TRAPPC9: variants seen among roughly 807,000 people sequenced by gnomAD.
TRAPPC9 encodes trafficking protein particle complex subunit 9.
In TRAPPC9, 83 loss-of-function variants were observed where a neutral mutation model predicts 124.0. That is an observed-to-expected ratio of 0.67 (90% confidence interval 0.56 to 0.80). The LOEUF is 0.80. Ranked by LOEUF, TRAPPC9 falls within the 30% of genes least tolerant of loss-of-function variation. TRAPPC9 has a pLI of 0.00. For synonymous variants in TRAPPC9, 638 were observed against 617.5 expected (o/e 1.03, Z -0.49); for missense variants, 1,302 against 1,508.3 (o/e 0.86, Z 2.27).
At chr8:140,433,222 G>A (rs1272769491) in intron 4 of TRAPPC9, among the ~76,000 whole-genome samples, 1 of 151,784 alleles carries the variant, frequency 6.6e-6, no homozygotes, top group Non-Finnish European at 1.5e-5. Flanking sequence ...AGCCCGGGAG[G>A]CAGAGGTTAT....
chr8:140,429,611 G>T (rs1164068815), intron 4 of TRAPPC9, among the ~76,000 whole-genome samples: 2 of 151,920 alleles, frequency 1.3e-5, no homozygotes, highest in Non-Finnish European at 2.9e-5. Context: ...TTTGCGACCA[G>T]CCTGGCCAAC....
intron 10 of TRAPPC9, among the ~76,000 whole-genome samples, chr8:140,303,846 G>C (rs755642440): frequency 1.7e-4 from 26 of 152,288 alleles, no homozygotes; most frequent in Non-Finnish European, 3.2e-4. Context: ...ACTAAGAAAG[G>C]CCTCAAGGGA....
chr8:139,789,376 G>GGTGTGCACGCTGCCCCTCGGT (rs1586844752), intron 21 of TRAPPC9, among the ~76,000 whole-genome samples: 1 of 152,298 alleles, frequency 6.6e-6, no homozygotes, highest in East Asian at 1.9e-4. Context: ...GTGGTCGAAG[G>GGTGTGCACGCTGCCCCTCGGT]GTGTGCACGC....
intron 17 of TRAPPC9, among the ~76,000 whole-genome samples, chr8:140,064,428 G>C (rs1842797684): frequency 6.6e-6 from 1 of 152,136 alleles, no homozygotes; most frequent in Admixed American, 6.5e-5. Context: ...AAATATAAAG[G>C]CTCTTAGGAA....
At chr8:140,108,517 C>A (rs2060707758) in intron 17 of TRAPPC9, among the ~76,000 whole-genome samples, 1 of 152,110 alleles carries the variant, frequency 6.6e-6, no homozygotes, top group Non-Finnish European at 1.5e-5. Context: ...CTCCCGCTCG[C>A]CCCCCTTGCC....
intron 5 of TRAPPC9, among the ~76,000 whole-genome samples, chr8:140,426,316 T>G (rs1055366658): frequency 6.6e-6 from 1 of 152,192 alleles, no homozygotes; most frequent in African/African-American, 2.4e-5. Flanking sequence ...GAATTCAAAA[T>G]TAACAGGACA....
chr8:140,429,071 TG>T (rs1404362269), intron 4 of TRAPPC9, among the ~76,000 whole-genome samples: 2 of 143,722 alleles, frequency 1.4e-5, no homozygotes, highest in Non-Finnish European at 3.1e-5. Context: ...TTTTGTTTTT[TG>T]TTTTTCTGTT....
At chr8:140,260,894 G>A (rs1392179236) in intron 15 of TRAPPC9, among the ~76,000 whole-genome samples, 1 of 152,226 alleles carries the variant, frequency 6.6e-6, no homozygotes, top group East Asian at 1.9e-4. Context: ...CACACAAGGA[G>A]AGGCTCATGA....
chr8:140,013,054 G>C (rs1015027980), intron 18 of TRAPPC9, among the ~76,000 whole-genome samples: 7 of 152,154 alleles, frequency 4.6e-5, no homozygotes, highest in African/African-American at 1.4e-4. Context: ...AGGGCTGAGC[G>C]GGCCACACAG....
chr8:139,862,193 T>C (rs574087480), intron 21 of TRAPPC9, among the ~76,000 whole-genome samples: 15 of 152,370 alleles, frequency 9.8e-5, no homozygotes, highest in African/African-American at 3.6e-4. Flanking sequence ...CCAGGGCACT[T>C]GGCCCCAGGG....
intron 21 of TRAPPC9, 63 bp from the exon 22 acceptor site, chr8:139,732,265 A>AC (rs1416079012): frequency 2.5e-5 from 36 of 1,415,538 alleles, no homozygotes; most frequent in Non-Finnish European, 3.1e-5. Context: ...GGCCTACCCC[A>AC]CCCACTCGCT....
chr8:139,849,166 A>G (rs147299642), intron 21 of TRAPPC9, among the ~76,000 whole-genome samples: 2 of 152,294 alleles, frequency 1.3e-5, no homozygotes, highest in Admixed American at 1.3e-4. Flanking sequence ...CGTCTAGGAT[A>G]CCTGGAGAAA....
At chr8:140,229,222 C>T (rs1436440978) in intron 16 of TRAPPC9, among the ~76,000 whole-genome samples, 1 of 139,370 alleles carries the variant, frequency 7.2e-6, no homozygotes, top group South Asian at 2.3e-4. Context: ...GAACATTGTG[C>T]TTTAGTCAAT....
chr8:139,832,422 C>A lies in TRAPPC9; in HGVS notation c.3055+53457G>T, dbSNP rs1826053940. On this transcript the variant is annotated intron_variant, in intron 21 of 22. Coordinates refer to ENST00000438773, the MANE Select transcript of TRAPPC9 (RefSeq NM_001160372.4). ...AGACCTGCCGCTCCTGCCAGAAGCC[C>A]AGCCGCTGGTTGGTCTGGGACGAGC... 2.6e-5 allele frequency among the ~76,000 whole-genome samples: 4 copies of A among 152,340 alleles called. No homozygotes were observed. In the South Asian group the frequency reaches 8.3e-4, roughly 32 times the overall value.
intron 17 of TRAPPC9, among the ~76,000 whole-genome samples, chr8:140,195,598 CTA>C (rs1491141238): frequency 1.3e-5 from 2 of 151,328 alleles, no homozygotes; most frequent in Non-Finnish European, 2.9e-5. Context: ...ACCTGTGACA[CTA>C]AAACACTCAG....
intron 17 of TRAPPC9, among the ~76,000 whole-genome samples, chr8:140,125,409 A>G (rs575039303): frequency 1.9e-4 from 29 of 152,170 alleles, no homozygotes; most frequent in African/African-American, 5.8e-4. Flanking sequence ...CACGGGGTCA[A>G]CTCAGGTTTA....
At chr8:140,043,233 A>G (rs990627855) in intron 17 of TRAPPC9, among the ~76,000 whole-genome samples, 1 of 152,224 alleles carries the variant, frequency 6.6e-6, no homozygotes, top group Non-Finnish European at 1.5e-5. Flanking sequence ...AGTTTCCAGA[A>G]TATCTTACAT....
At chr8:140,273,761 C>T (rs765240911) in intron 15 of TRAPPC9, among the ~76,000 whole-genome samples, 1 of 152,214 alleles carries the variant, frequency 6.6e-6, no homozygotes, top group Non-Finnish European at 1.5e-5. Flanking sequence ...CTTCCGCTCT[C>T]GCCCTCCCTC....
At position 139,884,734 on chromosome 8, in the gene TRAPPC9, A is replaced by C. The variant is rs79419358; in HGVS notation, c.3055+1145T>G. Among the ~76,000 whole-genome samples the C allele has an allele frequency of 6.3e-3, 952 of 152,308 alleles. 9 individuals carry two copies. The highest frequency in any genetic ancestry group is 9.1e-3 in the Non-Finnish European group (621 of 68,022). The stretch of plus-strand genomic sequence containing the variant: ...GAAGCCTCCAGAGAACCAAACTGTG[A>C]AACCCTCTGCAGAAACACCAAGCCT... On this transcript the variant is annotated intron_variant, in intron 21 of 22. Transcript: ENST00000438773.
Sources: allele counts gnomAD v4.1 joint callset (sites outside exome capture counted in the v4.1 genomes callset), GRCh38; gene constraint gnomAD v4.1.1; transcripts MANE v1.5; gene names NCBI Gene and HGNC (gene_info 2026-07-23, HGNC 2026-07-21).